The following PRSS8 variants were observed in gnomAD, a reference collection of about 807,000 sequenced individuals.
PRSS8 encodes the protein serine protease 8.
A neutral mutation model predicts 26.7 loss-of-function variants in PRSS8; 11 were observed. The observed-to-expected ratio is 0.41, with a 90% confidence interval of 0.26 to 0.68. The LOEUF is 0.68. Ranked by LOEUF, PRSS8 falls within the 30% of genes least tolerant of loss-of-function variation. The probability of loss-of-function intolerance (pLI) is 0.30; values close to 1 mark genes in which losing one functional copy is unlikely to be tolerated. For synonymous variants in PRSS8, 183 were observed against 187.0 expected (o/e 0.98, Z 0.17); for missense variants, 362 against 443.5 (o/e 0.82, Z 1.65).
In PRSS8 at chr16:31,135,181, AAGAG is replaced by A. The variant is rs1460778470; in HGVS notation, c.86-14_86-11del. On this transcript the variant is annotated splice_polypyrimidine_tract_variant and intron_variant, in intron 1 of 5. Coordinates refer to ENST00000317508, the MANE Select transcript of PRSS8 (RefSeq NM_002773.5). Reference sequence around the variant, plus strand: ...TCTGCCCCTTCCGCTCCTAGAAAGAAAGAGAAAGAGGAGGGGTGAGTAGGGAAGA... The same window carrying A: ...TCTGCCCCTTCCGCTCCTAGAAAGAAAAAGAGGAGGGGTGAGTAGGGAAGA... 18 of 1,612,726 alleles carry A rather than the reference AAGAG, an allele frequency of 1.1e-5. No individual in the cohort carries two copies. The highest frequency in any genetic ancestry group is 3.3e-5 in the Admixed American group (2 of 59,844).
chr16:31,132,500 C>T lies in PRSS8; in HGVS notation c.634G>A (p.Glu212Lys), dbSNP rs554938488. ...NCLYNIDAKP[E>K]EPHFVQEDMV... ...TCCTCTTGGACAAAGTGCGGCTCCTCAGGCTTGGCGTCGATGTTGTACAGG... is the reference window on the plus strand; with the variant it reads ...TCCTCTTGGACAAAGTGCGGCTCCTTAGGCTTGGCGTCGATGTTGTACAGG... Residue 212 changes from glutamate (E) to lysine (K), a missense_variant, in exon 5 of 6, where the codon GAG (glutamate) becomes AAG (lysine). Glu to Lys is a moderately conservative substitution (Grantham distance 56). Transcript: ENST00000317508. This position sits in a 1 kb window ranked among gnomAD's most constrained non-coding sequence, Gnocchi z 5.2. The T allele has an allele frequency of 2.5e-6, 4 of 1,614,074 alleles. No individual in the cohort carries two copies. The South Asian group carries it at 3.3e-5, about 13-fold the overall frequency.
At position 31,135,401 on chromosome 16, in the gene PRSS8, C is replaced by T. The variant is rs1251840375; in HGVS notation, c.85+13G>A. On this transcript the variant is annotated intron_variant, in intron 1 of 5. Transcript: ENST00000317508. ...GTGCATTGTCCCCACCCTGCCCCCA[C>T]GTCCTCACTTACCTGTCCCCGACCG... 3 of 1,588,166 alleles carry T rather than the reference C, an allele frequency of 1.9e-6. No homozygotes were observed. The highest frequency in any genetic ancestry group is 2.6e-6 in the Non-Finnish European group (3 of 1,167,762).
rs765831542 is a variant in PRSS8, at chr16:31,133,132, A to T, written c.266+94T>A. On this transcript the variant is annotated intron_variant, in intron 3 of 5. Coordinates refer to ENST00000317508, the MANE Select transcript of PRSS8 (RefSeq NM_002773.5). This position sits in a 1 kb window ranked among gnomAD's most constrained non-coding sequence, Gnocchi z 4.7. ...TGGTCCTTCCAGACTTAGAACTGACACTCTCAGACCCAACCCAAGAACCCC... is the reference window on the plus strand; with the variant it reads ...TGGTCCTTCCAGACTTAGAACTGACTCTCTCAGACCCAACCCAAGAACCCC... 19 of 1,592,956 alleles carry T rather than the reference A, an allele frequency of 1.2e-5. No homozygotes were observed. The highest frequency in any genetic ancestry group is 1.6e-5 in the Non-Finnish European group (19 of 1,168,846).
chr16:31,132,122 C>T lies in PRSS8; in HGVS notation c.919G>A (p.Gly307Ser). The T allele has an allele frequency of 6.2e-7, 1 of 1,613,346 alleles. No homozygotes were observed. Among genetic ancestry groups the T allele is most frequent in the Non-Finnish European group, 8.5e-7 (1 of 1,179,648 alleles). ...QESQPDSNLC[G>S]SHLAFSSAPA... ...GCAGAGCTGAAGGCCAGGTGGCTGC[C>T]ACAGAGGTTGCTGTCGGGCTGGGAC... Residue 307 changes from glycine to serine, a missense_variant, in exon 6 of 6, where the codon GGC becomes AGC. Physicochemically the swap from Gly to Ser is moderately conservative, Grantham distance 56. Transcript: ENST00000317508. The surrounding 1 kb of genome is among the most constrained non-coding windows in gnomAD (Gnocchi z 5.2).
At position 31,132,404 on chromosome 16, in the gene PRSS8, A is replaced by G. The variant is rs2057585186; in HGVS notation, c.705+25T>C. 2.5e-6 allele frequency: 4 copies of G among 1,613,728 alleles called. No individual in the cohort carries two copies. Among genetic ancestry groups the G allele is most frequent in the Admixed American group, 1.7e-5 (1 of 59,998 alleles). On this transcript the variant is annotated intron_variant, in intron 5 of 5. Transcript: ENST00000317508. The surrounding 1 kb of genome is among the most constrained non-coding windows in gnomAD (Gnocchi z 5.2). ...CCTCCTTTCCGAAGTTGCACTGGTC[A>G]TCTGCCCCCCGGGCCTGTGCTTACC...
rs182150009 is a variant in PRSS8, at chr16:31,135,311, C to T, written c.85+103G>A. On this transcript the variant is annotated intron_variant, in intron 1 of 5. Coordinates refer to ENST00000317508, the MANE Select transcript of PRSS8 (RefSeq NM_002773.5). ...AAAGAGAGGCCAAGAGCTAGGGAGG[C>T]CGGGGGTTTTCTTGGGCCCCAGACA... 130 of 1,579,436 alleles carry T rather than the reference C, an allele frequency of 8.2e-5. No homozygotes were observed. The African/African-American group carries it at 1.5e-3, about 19-fold the overall frequency.
In PRSS8 at chr16:31,133,183, A is replaced by C. The variant is rs1394870573; in HGVS notation, c.266+43T>G. ...AACCTCTGACCTGGATTGACCCATT[A>C]ACTTTGACCTCCAGCCCACTTTTGA... On this transcript the variant is annotated intron_variant, in intron 3 of 5. Coordinates refer to ENST00000317508, the MANE Select transcript of PRSS8 (RefSeq NM_002773.5). This position sits in a 1 kb window ranked among gnomAD's most constrained non-coding sequence, Gnocchi z 4.7. 1 of 1,612,586 alleles carries C rather than the reference A, an allele frequency of 6.2e-7. No individual in the cohort carries two copies. Among genetic ancestry groups the C allele is most frequent in the Non-Finnish European group, 8.5e-7 (1 of 1,179,770 alleles).
rs2057584493 is a variant in PRSS8 at position 31,132,302 on chromosome 16, C to G, written c.739G>C (p.Glu247Gln). The change falls in exon 6 of 6, where the codon GAG (glutamate) becomes CAG (glutamine). Residue 247 changes from glutamate (E) to glutamine (Q), a missense_variant. Transcript: ENST00000317508. The surrounding 1 kb of genome is among the most constrained non-coding windows in gnomAD (Gnocchi z 5.2). ...ATGCCCGTCAGGTACCAGAGACCCT[C>G]CACAGGGCAGGAGAGTGGGCCCCCA... ...DSGGPLSCPVEGLWYLTGIVS... is the reference protein window; with the variant it reads ...DSGGPLSCPVQGLWYLTGIVS... 1.9e-6 allele frequency: 3 copies of G among 1,613,896 alleles called. No individual in the cohort carries two copies. Among genetic ancestry groups the G allele is most frequent in the Non-Finnish European group, 2.5e-6 (3 of 1,179,848 alleles).
chr16:31,132,835 C>G lies in PRSS8; in HGVS notation c.385G>C (p.Glu129Gln). Residue 129 changes from glutamate to glutamine, a missense_variant, in exon 4 of 6, where the codon GAG (glutamate) becomes CAG (glutamine). Coordinates refer to ENST00000317508, the MANE Select transcript of PRSS8 (RefSeq NM_002773.5). The surrounding 1 kb of genome is among the most constrained non-coding windows in gnomAD (Gnocchi z 5.2). ...AGTGCAATGTCGCCCTGGGAGCCCT[C>G]CTGGAGGTAGCTGGGGTGGGGGATG... The part of the protein sequence containing the change: ...DIIPHPSYLQ[E>Q]GSQGDIALLQ... 6.2e-7 allele frequency: 1 copy of G among 1,613,886 alleles called. No homozygotes were observed. Among genetic ancestry groups the G allele is most frequent in the Non-Finnish European group, 8.5e-7 (1 of 1,179,850 alleles).
chr16:31,132,314 A>C lies in PRSS8; in HGVS notation c.727T>G (p.Ser243Ala). The stretch of plus-strand genomic sequence containing the variant: ...TACCAGAGACCCTCCACAGGGCAGG[A>C]GAGTGGGCCCCCAGAGTCACCCTGA... ...ACQGDSGGPLSCPVEGLWYLT... is the reference protein window; with the variant it reads ...ACQGDSGGPLACPVEGLWYLT... The change falls in exon 6 of 6, where the codon TCC (serine) becomes GCC (alanine). Residue 243 changes from serine to alanine, a missense_variant. Physicochemically the swap from Ser to Ala is moderately conservative, Grantham distance 99. Coordinates refer to ENST00000317508, the MANE Select transcript of PRSS8 (RefSeq NM_002773.5). This position sits in a 1 kb window ranked among gnomAD's most constrained non-coding sequence, Gnocchi z 5.2. The C allele has an allele frequency of 6.2e-7, 1 of 1,613,982 alleles. No homozygotes were observed. The highest frequency in any genetic ancestry group is 8.5e-7 in the Non-Finnish European group (1 of 1,179,854).
Position 31,131,609 on chromosome 16 carries a change from C to A in PRSS8, c.*400G>T. On this transcript the variant is annotated 3_prime_UTR_variant, in exon 6 of 6. Coordinates refer to ENST00000317508, the MANE Select transcript of PRSS8 (RefSeq NM_002773.5). ...TGTCCTCGAAGCTGCACAAAGGTGG[C>A]CCCAGCCCAGAACACAGGGAGAGGG... is the stretch of plus-strand genomic sequence containing the variant. 2.2e-6 allele frequency: 1 copy of A among 445,868 alleles called. No homozygotes were observed. The allele number at this position is 445,868 out of a possible 1,614,324, so 27.6% of individuals were successfully genotyped here. A position where few individuals can be genotyped will look rare whatever the true frequency, so the allele number is the denominator to read the frequency against.
chr16:31,131,454 A>C lies in PRSS8; in HGVS notation c.*555T>G. The C allele has an allele frequency of 1.5e-6, 1 of 658,150 alleles. No homozygotes were observed. The highest frequency in any genetic ancestry group is 2.0e-5 in the South Asian group (1 of 51,166). 40.8% of individuals were successfully genotyped at this position (658,150 alleles called of 1,614,324 possible). Reference sequence around the variant, plus strand: ...CAAGTTGTGCTCAAACATTTTAATCATTTCTGCCCTGTTACTCCCACCCCA... The same window carrying C: ...CAAGTTGTGCTCAAACATTTTAATCCTTTCTGCCCTGTTACTCCCACCCCA... On this transcript the variant is annotated 3_prime_UTR_variant, in exon 6 of 6. Coordinates refer to ENST00000317508, the MANE Select transcript of PRSS8 (RefSeq NM_002773.5).
Position 31,133,517 on chromosome 16 carries a change from G to A in PRSS8, c.104-129C>T. The A allele has an allele frequency of 8.6e-7, 1 of 1,157,936 alleles. No individual in the cohort carries two copies. The highest frequency in any genetic ancestry group is 1.2e-6 in the Non-Finnish European group (1 of 830,492). 71.7% of individuals were successfully genotyped at this position (1,157,936 alleles called of 1,614,324 possible). On this transcript the variant is annotated intron_variant, in intron 2 of 5. Coordinates refer to ENST00000317508, the MANE Select transcript of PRSS8 (RefSeq NM_002773.5). The surrounding 1 kb of genome is among the most constrained non-coding windows in gnomAD (Gnocchi z 4.7). ...CACCCCTTTGTCCCCTCCCAGGCAT[G>A]GGCAGTTGTGCCCCTTCTGTCCACT...
rs749296271 is a variant in PRSS8, at chr16:31,135,139, C to T, written c.103+15G>A. The T allele has an allele frequency of 4.3e-5, 69 of 1,611,902 alleles. No homozygotes were observed. Among genetic ancestry groups the T allele is most frequent in the African/African-American group, 5.3e-5 (4 of 74,832 alleles). On this transcript the variant is annotated intron_variant, in intron 2 of 5. Transcript: ENST00000317508. ...ACCTCCCCCTCCCCTCCTCCCTCTC[C>T]GAGGAAAGTCTCACCTTCTGCCCCT...
intron 1 of PRSS8, 32 bp from the exon 2 acceptor site, chr16:31,135,203 AG>A: frequency 6.2e-7 from 1 of 1,612,624 alleles, no homozygotes; most frequent in South Asian, 1.1e-5. Flanking sequence ...AGGGGTGAGT[AG>A]GGAAGACTCG....
At chr16:31,135,121 C>T (rs1265954885) in intron 2 of PRSS8, 33 bp downstream of exon 2, 1 of 1,609,120 alleles carries the variant, frequency 6.2e-7, no homozygotes, top group Non-Finnish European at 8.5e-7. Flanking sequence ...GTCACCTCCC[C>T]CTCCCCTCCT....
Position 31,133,084 on chromosome 16 carries a change from G to T in PRSS8, c.267-131C>A. 6.4e-7 allele frequency: 1 copy of T among 1,572,800 alleles called. No individual in the cohort carries two copies. The highest frequency in any genetic ancestry group is 1.1e-5 in the South Asian group (1 of 89,668). ...ACCTTAGTTTTATCATGTAACCTCT[G>T]ACCCCTCACCTTCACTCCTAACTGG... On this transcript the variant is annotated intron_variant, in intron 3 of 5. Coordinates refer to ENST00000317508, the MANE Select transcript of PRSS8 (RefSeq NM_002773.5). The surrounding 1 kb of genome is among the most constrained non-coding windows in gnomAD (Gnocchi z 4.7).
Position 31,132,613 on chromosome 16 carries a change from G to A in PRSS8, c.539-18C>T, listed in dbSNP as rs776129281. The A allele has an allele frequency of 6.2e-7, 1 of 1,613,606 alleles. No homozygotes were observed. Among genetic ancestry groups the A allele is most frequent in the Non-Finnish European group, 8.5e-7 (1 of 1,179,692 alleles). On this transcript the variant is annotated intron_variant, in intron 4 of 5. Coordinates refer to ENST00000317508, the MANE Select transcript of PRSS8 (RefSeq NM_002773.5). This position sits in a 1 kb window ranked among gnomAD's most constrained non-coding sequence, Gnocchi z 5.2. ...GAGGCTCACTGTGGGGGTAAAAGAG[G>A]CTTACCCTGGGCCCCTCCCCAAGTC...
chr16:31,135,707 G>A lies in PRSS8; in HGVS notation c.-209C>T. 1 of 543,774 alleles carries A rather than the reference G, an allele frequency of 1.8e-6. No individual in the cohort carries two copies. The highest frequency in any genetic ancestry group is 3.2e-6 in the Non-Finnish European group (1 of 307,830). The allele number at this position is 543,774 out of a possible 1,614,324, so 33.7% of individuals were successfully genotyped here. On this transcript the variant is annotated 5_prime_UTR_variant, in exon 1 of 6. Transcript: ENST00000317508. Reference sequence around the variant, plus strand: ...TGGAGTATCCGAAGCGAGCAGTGTGGACGAGTCACCAGCACCGTCTGGCCA... The same window carrying A: ...TGGAGTATCCGAAGCGAGCAGTGTGAACGAGTCACCAGCACCGTCTGGCCA...
Sources: gnomAD v4.1 joint callset for allele counts on GRCh38, gnomAD v4.1.1 for gene constraint, Gnocchi (gnomAD v3.1) non-coding constraint, MANE v1.5 for transcripts, NCBI Gene and HGNC (gene_info 2026-07-23, HGNC 2026-07-21) for gene names.